CTNNA3: variants seen among roughly 807,000 people sequenced by gnomAD.
The protein encoded by CTNNA3 is catenin alpha 3, also known as catenin alpha-3.
A neutral mutation model predicts 95.7 loss-of-function variants in CTNNA3; 76 were observed. That is an observed-to-expected ratio of 0.79 (90% CI 0.66 to 0.96). The LOEUF (loss-of-function observed/expected upper bound fraction) is 0.96. Among genes scored for constraint, CTNNA3 ranks in the 40% least tolerant of loss-of-function variants. The pLI is 0.00. For synonymous variants in CTNNA3, 431 were observed against 374.4 expected (o/e 1.15, Z -1.74); for missense variants, 1,191 against 1,089.8 (o/e 1.09, Z -1.31).
chr10:66,555,143 A>G (rs1842350306), intron 10 of CTNNA3, among the ~76,000 whole-genome samples: 1 of 152,144 alleles, frequency 6.6e-6, no homozygotes, highest in African/African-American at 2.4e-5. Context: ...TAGTCAGCGT[A>G]GTCTGGTTTC....
chr10:67,690,880 C>CTG (rs1039446499), intron 1 of CTNNA3, among the ~76,000 whole-genome samples: 1 of 152,170 alleles, frequency 6.6e-6, no homozygotes, highest in African/African-American at 2.4e-5. Context: ...CTCTCCGTCT[C>CTG]TGTCTCCCTC....
At chr10:66,747,112 T>C (rs1305871445) in intron 9 of CTNNA3, among the ~76,000 whole-genome samples, 6 of 152,218 alleles carry the variant, frequency 3.9e-5, no homozygotes, top group Admixed American at 3.3e-4. Flanking sequence ...CAAAGTCAAG[T>C]GACAGAGCCA....
rs1845190594 is a variant in CTNNA3, at chr10:66,889,767, G to A, written c.1048-114243C>T. 3.3e-5 allele frequency among the ~76,000 whole-genome samples: 5 copies of A among 151,556 alleles called. No individual in the cohort carries two copies. In the South Asian group the frequency reaches 8.4e-4, roughly 25 times the overall value. On this transcript the variant is annotated intron_variant, in intron 7 of 17. Coordinates refer to ENST00000433211, the MANE Select transcript of CTNNA3 (RefSeq NM_013266.4). ...GAAGAAGAAAAGCTGAGAGAGATGG[G>A]GAAGATCAGGGGAACCACAGACCTT... is the stretch of plus-strand genomic sequence containing the variant.
At chr10:65,995,168 T>C (rs561659737) in intron 15 of CTNNA3, among the ~76,000 whole-genome samples, 43 of 152,324 alleles carry the variant, frequency 2.8e-4, no homozygotes, top group African/African-American at 9.1e-4. Context: ...TTCTTTTTTA[T>C]TGTAATATCT....
At chr10:67,564,347 C>T (rs1841664604) in intron 3 of CTNNA3, among the ~76,000 whole-genome samples, 1 of 149,346 alleles carries the variant, frequency 6.7e-6, no homozygotes, top group Non-Finnish European at 1.5e-5. Flanking sequence ...TTTGTAGGGA[C>T]ATGGATGGAG....
intron 1 of CTNNA3, among the ~76,000 whole-genome samples, chr10:67,690,882 G>GTCTCCCTCTCCCCACGGTCTCCC (rs1840833700): frequency 6.6e-6 from 1 of 151,918 alleles, no homozygotes; most frequent in Non-Finnish European, 1.5e-5. Flanking sequence ...CTCCGTCTCT[G>GTCTCCCTCTCCCCACGGTCTCCC]TCTCCCTCTC....
intron 9 of CTNNA3, among the ~76,000 whole-genome samples, chr10:66,686,138 T>C (rs1847287545): frequency 2.0e-5 from 3 of 152,232 alleles, no homozygotes; most frequent in Admixed American, 6.5e-5. Flanking sequence ...ATGCGGATCC[T>C]GCTCCAGGGA....
At chr10:66,296,099 T>A (rs1589046545) in intron 12 of CTNNA3, among the ~76,000 whole-genome samples, 1 of 152,318 alleles carries the variant, frequency 6.6e-6, no homozygotes. Flanking sequence ...CTATTTTTAC[T>A]TCAACCAGAA....
intron 13 of CTNNA3, among the ~76,000 whole-genome samples, chr10:66,224,789 T>A (rs1262406653): frequency 1.3e-5 from 2 of 152,138 alleles, no homozygotes; most frequent in Non-Finnish European, 2.9e-5. Flanking sequence ...TTAAATGGCA[T>A]TATACACTAA....
At chr10:66,518,912 C>G (rs899910404) in intron 11 of CTNNA3, among the ~76,000 whole-genome samples, 1 of 151,690 alleles carries the variant, frequency 6.6e-6, no homozygotes, top group Non-Finnish European at 1.5e-5. Flanking sequence ...TTCATTTTCA[C>G]TAATGTATCA....
At chr10:66,485,287 A>T (rs911028707) in intron 11 of CTNNA3, among the ~76,000 whole-genome samples, 7 of 152,160 alleles carry the variant, frequency 4.6e-5, no homozygotes, top group African/African-American at 1.7e-4. Context: ...ATAAAGGAAG[A>T]AGTTAAAATA....
intron 15 of CTNNA3, among the ~76,000 whole-genome samples, chr10:66,044,949 C>A (rs751124911): frequency 7.3e-5 from 11 of 151,290 alleles, no homozygotes; most frequent in Admixed American, 1.3e-4. Flanking sequence ...TTTGTCCATA[C>A]CACAGTTAGC....
At chr10:66,781,728 T>G (rs1401916608) in intron 7 of CTNNA3, among the ~76,000 whole-genome samples, 2 of 152,152 alleles carry the variant, frequency 1.3e-5, no homozygotes, top group South Asian at 2.1e-4. Flanking sequence ...GCCATCCCCA[T>G]GTAGATGCCT....
At chr10:67,697,022 A>G (rs1840977977), upstream of CTNNA3, among the ~76,000 whole-genome samples, 1 of 152,234 alleles carries the variant, frequency 6.6e-6, no homozygotes, top group African/African-American at 2.4e-5. Context: ...AAAAGAAAGC[A>G]TTTATTTATT....
In CTNNA3 at chr10:67,353,500, G is replaced by GAATA. The variant is rs565202306; in HGVS notation, c.580-133631_580-133630insTATT. Reference sequence around the variant, plus strand: ...TGCACGTTACATAGTCTTAAAGATTGCTAGTAATTCAATAGTTAAATTTGA... The same window carrying GAATA: ...TGCACGTTACATAGTCTTAAAGATTGAATACTAGTAATTCAATAGTTAAATTTGA... On this transcript the variant is annotated intron_variant, in intron 5 of 17. Transcript: ENST00000433211. Among the ~76,000 whole-genome samples the GAATA allele has an allele frequency of 8.0e-3, 1,210 of 151,948 alleles. 26 individuals are homozygous for GAATA. The highest frequency in any genetic ancestry group is 0.028 in the African/African-American group (1,144 of 41,486).
intron 5 of CTNNA3, among the ~76,000 whole-genome samples, chr10:67,280,749 A>G (rs1468533580): frequency 6.6e-6 from 1 of 152,064 alleles, no homozygotes; most frequent in Non-Finnish European, 1.5e-5. Flanking sequence ...TATCACTGGG[A>G]CCATTTAATT....
intron 11 of CTNNA3, among the ~76,000 whole-genome samples, chr10:66,459,297 G>C (rs2131843234): frequency 6.6e-6 from 1 of 152,206 alleles, no homozygotes; most frequent in East Asian, 1.9e-4. Flanking sequence ...AAAGATTCCA[G>C]TCAACAGTGA....
At chr10:65,960,746 C>T (rs1443281488) in intron 17 of CTNNA3, among the ~76,000 whole-genome samples, 1 of 152,116 alleles carries the variant, frequency 6.6e-6, no homozygotes, top group East Asian at 1.9e-4. Flanking sequence ...TGTTCACCTC[C>T]CACTTGTAAG....
chr10:66,327,425 A>C (rs72802842), intron 12 of CTNNA3, among the ~76,000 whole-genome samples: 2 of 152,004 alleles, frequency 1.3e-5, no homozygotes, highest in African/African-American at 2.4e-5. Flanking sequence ...ATTTAAAATG[A>C]TCCTGAGATT....
Sources: allele counts gnomAD v4.1 joint callset (sites outside exome capture counted in the v4.1 genomes callset), GRCh38; gene constraint gnomAD v4.1.1; transcripts MANE v1.5; gene names NCBI Gene and HGNC (gene_info 2026-07-23, HGNC 2026-07-21).